The following CAV1 variants were observed in gnomAD, a reference collection of about 807,000 sequenced individuals.
CAV1 encodes the protein caveolin-1.
CAV1 carries 10 observed loss-of-function variants against 16.5 expected under a neutral mutation model. That is an observed-to-expected ratio of 0.61 (90% CI 0.37 to 1.03). The LOEUF is 1.03. Among genes scored for constraint, CAV1 ranks in the 50% least tolerant of loss-of-function variants. CAV1 has a pLI of 0.01. For missense variants in CAV1, 212 were observed against 232.8 expected, an observed-to-expected ratio of 0.91 and a Z score of 0.58; for synonymous variants, 76 against 85.1, an observed-to-expected ratio of 0.89 and a Z score of 0.59.
chr7:116,538,692 G>A (rs1233553264), intron 2 of CAV1, among the ~76,000 whole-genome samples: 2 of 152,126 alleles, frequency 1.3e-5, no homozygotes, highest in African/African-American at 4.8e-5. Flanking sequence ...CCCAGAAAGG[G>A]CATTATATTA....
At chr7:116,526,714 A>C (rs982140152) in intron 2 of CAV1, 25 bp downstream of exon 2, 4 of 1,613,590 alleles carry the variant, frequency 2.5e-6, no homozygotes, top group African/African-American at 1.3e-5. Context: ...CCAACAGGGA[A>C]GGGCTGGGAC....
At chr7:116,533,278 C>T (rs1286940865) in intron 2 of CAV1, among the ~76,000 whole-genome samples, 1 of 151,804 alleles carries the variant, frequency 6.6e-6, no homozygotes, top group Non-Finnish European at 1.5e-5. Context: ...GCCAAGATTG[C>T]AGTGAGCCAA....
chr7:116,531,154 A>C (rs185412503), intron 2 of CAV1, among the ~76,000 whole-genome samples: 1 of 152,250 alleles, frequency 6.6e-6, no homozygotes, highest in African/African-American at 2.4e-5. Flanking sequence ...ATCTTTTTAC[A>C]TAGTTACTGC....
At position 116,559,742 on chromosome 7, in the gene CAV1, A is replaced by G. The variant is rs1794368576; in HGVS notation, c.*455A>G. 3 of 436,436 alleles carry G rather than the reference A, an allele frequency of 6.9e-6. No individual in the cohort carries two copies. Among genetic ancestry groups the G allele is most frequent in the Non-Finnish European group, 1.2e-5 (3 of 249,868 alleles). The allele number at this position is 436,436 out of a possible 1,614,324, so 27.0% of individuals were successfully genotyped here. ...ACAAGTATGTGGGCAGATTTTCAGC[A>G]AACTCTTTTCCCACTGTTTAAGGAG... On this transcript the variant is annotated 3_prime_UTR_variant, in exon 3 of 3. Coordinates refer to ENST00000341049, the MANE Select transcript of CAV1 (RefSeq NM_001753.5).
intron 2 of CAV1, among the ~76,000 whole-genome samples, chr7:116,553,177 C>G (rs1022436): frequency 0.18 from 26,843 of 152,016 alleles, 2,650 homozygotes; most frequent in African/African-American, 0.25. Context: ...AGAAAAGATT[C>G]TATATTTTAA....
At chr7:116,536,997 G>A (rs572956062) in intron 2 of CAV1, among the ~76,000 whole-genome samples, 32 of 113,048 alleles carry the variant, frequency 2.8e-4, no homozygotes, top group Non-Finnish European at 3.6e-4. Flanking sequence ...GCAACAGAGC[G>A]AGACTCCGTC....
At chr7:116,540,681 A>C (rs3807988) in intron 2 of CAV1, among the ~76,000 whole-genome samples, 11,838 of 152,278 alleles carry the variant, frequency 0.078, 632 homozygotes, top group East Asian at 0.16. Flanking sequence ...TTTGTGATGA[A>C]AATAATAGCA....
In CAV1 at chr7:116,559,053, C is replaced by A; in HGVS notation, c.303C>A (p.Arg101=). ...TFTVTKYWFY[R]LLSALFGIPM... ...CTGTGACGAAATACTGGTTTTACCG[C>A]TTGCTGTCTGCCCTCTTTGGCATCC... The change falls in exon 3 of 3, where the codon CGC becomes CGA. Residue 101 remains arginine, a synonymous_variant. Coordinates refer to ENST00000341049, the MANE Select transcript of CAV1 (RefSeq NM_001753.5). 1 of 1,613,866 alleles carries A rather than the reference C, an allele frequency of 6.2e-7. No individual in the cohort carries two copies. Among genetic ancestry groups the A allele is most frequent in the Non-Finnish European group, 8.5e-7 (1 of 1,179,884 alleles).
Position 116,560,016 on chromosome 7 carries a change from C to T in CAV1, c.*729C>T, listed in dbSNP as rs1178135549. 1.8e-5 allele frequency: 7 copies of T among 395,558 alleles called. No individual in the cohort carries two copies. Among genetic ancestry groups the T allele is most frequent in the East Asian group, 3.6e-5 (1 of 27,964 alleles). 24.5% of individuals were successfully genotyped at this position (395,558 alleles called of 1,614,324 possible). ...CAACTCGCTTTAGGTCAGCAGCCTC[C>T]CTGAAGACCAAAATTAGAATATCCA... On this transcript the variant is annotated 3_prime_UTR_variant, in exon 3 of 3. Transcript: ENST00000341049.
rs992404006 is a variant in CAV1 at position 116,554,334 on chromosome 7, G to A, written c.196-4612G>A. Among the ~76,000 whole-genome samples the A allele has an allele frequency of 3.9e-5, 6 of 152,220 alleles. No individual in the cohort carries two copies. The South Asian group carries it at 1.0e-3, about 26-fold the overall frequency. ...GTACAAAAATGTCCGTGTTCACACC[G>A]TGGAAAGGACATTTCTCATAAACTC... is the stretch of plus-strand genomic sequence containing the variant. On this transcript the variant is annotated intron_variant, in intron 2 of 2. Transcript: ENST00000341049.
chr7:116,535,014 G>A (rs1490307151), intron 2 of CAV1, among the ~76,000 whole-genome samples: 1 of 152,122 alleles, frequency 6.6e-6, no homozygotes, highest in Non-Finnish European at 1.5e-5. Context: ...ATCCCTTCAG[G>A]CTACTTGGGC....
At chr7:116,553,242 C>T (rs992533296) in intron 2 of CAV1, among the ~76,000 whole-genome samples, 1 of 152,010 alleles carries the variant, frequency 6.6e-6, no homozygotes, top group African/African-American at 2.4e-5. Flanking sequence ...ATACATTGAA[C>T]AGAATGAAAT....
intron 2 of CAV1, among the ~76,000 whole-genome samples, chr7:116,527,280 C>A (rs530516283): frequency 6.6e-6 from 1 of 152,216 alleles, no homozygotes; most frequent in Non-Finnish European, 1.5e-5. Flanking sequence ...ACTAGACTAA[C>A]AAGTCACTTG....
chr7:116,526,160 C>A (rs1288276777), intron 1 of CAV1: 7 of 483,892 alleles, frequency 1.4e-5, no homozygotes, highest in Admixed American at 1.3e-4. Flanking sequence ...GCTGCCCCCT[C>A]GCCGCCGAGG....
chr7:116,555,601 A>AG (rs1794275456), intron 2 of CAV1, among the ~76,000 whole-genome samples: 3 of 117,032 alleles, frequency 2.6e-5, no homozygotes, highest in African/African-American at 1.0e-4. Context: ...AGAAAGAAAG[A>AG]AAGAGAAAGA....
intron 2 of CAV1, among the ~76,000 whole-genome samples, chr7:116,557,348 C>T (rs1794311762): frequency 6.6e-6 from 1 of 152,150 alleles, no homozygotes; most frequent in Non-Finnish European, 1.5e-5. Flanking sequence ...CACTGAGTAG[C>T]TCCGTGGAGT....
At position 116,546,702 on chromosome 7, in the gene CAV1, A is replaced by AAAAAAAAAAAATAAAT. The variant is rs1554356431; in HGVS notation, c.196-12233_196-12232insTAAATAAAAAAAAAAA. On this transcript the variant is annotated intron_variant, in intron 2 of 2. Transcript: ENST00000341049. ...ACAAGAATGAGACTCTGTCACAAAA[A>AAAAAAAAAAAATAAAT]AAAAAAAAAAAAGTCTGCAGGCTGC... is the stretch of plus-strand genomic sequence containing the variant. Among the ~76,000 whole-genome samples, 711 of 143,032 alleles carry AAAAAAAAAAAATAAAT rather than the reference A, an allele frequency of 5.0e-3. 15 individuals are homozygous for AAAAAAAAAAAATAAAT. Among genetic ancestry groups the AAAAAAAAAAAATAAAT allele is most frequent in the African/African-American group, 9.2e-3 (350 of 37,914 alleles). The allele number at this position is 143,032 out of a possible 152,430, so 93.8% of individuals were successfully genotyped here.
chr7:116,529,245 C>A (rs890288012), intron 2 of CAV1, among the ~76,000 whole-genome samples: 9 of 152,116 alleles, frequency 5.9e-5, no homozygotes, highest in Non-Finnish European at 5.9e-5. Context: ...AAGAAAGAAC[C>A]AGTGGCCAAT....
chr7:116,559,308 G>A lies in CAV1; in HGVS notation c.*21G>A. 1 of 1,579,104 alleles carries A rather than the reference G, an allele frequency of 6.3e-7. No individual in the cohort carries two copies. Among genetic ancestry groups the A allele is most frequent in the Non-Finnish European group, 8.7e-7 (1 of 1,148,980 alleles). ...TATAAATGACATTTCAAGGATAGAA[G>A]TATACCTGATTTTTTTTCCTTTTAA... On this transcript the variant is annotated 3_prime_UTR_variant, in exon 3 of 3. Transcript: ENST00000341049.
Sources: allele counts gnomAD v4.1 joint callset (sites outside exome capture counted in the v4.1 genomes callset), GRCh38; gene constraint gnomAD v4.1.1; transcripts MANE v1.5; gene names NCBI Gene and HGNC (gene_info 2026-07-23, HGNC 2026-07-21).